The following GFOD2 variants were observed in gnomAD, a reference collection of about 807,000 sequenced individuals.
The protein encoded by GFOD2 is Gfo/Idh/MocA-like oxidoreductase domain containing 2, also known as glucose-fructose oxidoreductase domain-containing protein 2.
A neutral mutation model predicts 24.6 loss-of-function variants in GFOD2; 9 were observed. The ratio of observed to expected loss-of-function variants is 0.37; its 90% CI spans 0.22 to 0.64. GFOD2 has a LOEUF of 0.64. Ranked by LOEUF, GFOD2 falls within the 30% of genes least tolerant of loss-of-function variation. GFOD2 has a pLI of 0.65. For synonymous variants in GFOD2, 211 were observed against 224.8 expected (o/e 0.94, Z 0.55); for missense variants, 476 against 532.5 (o/e 0.89, Z 1.04).
In GFOD2 at chr16:67,685,265, T is replaced by G. The variant is rs904964245; in HGVS notation, c.259+192A>C. The G allele has an allele frequency of 1.8e-5, 26 of 1,433,984 alleles. No homozygotes were observed. In the African/African-American group the frequency reaches 3.7e-4, roughly 21 times the overall value. The allele number at this position is 1,433,984 out of a possible 1,614,324, so 88.8% of individuals were successfully genotyped here. On this transcript the variant is annotated intron_variant, in intron 2 of 2. Coordinates refer to ENST00000268797, the MANE Select transcript of GFOD2 (RefSeq NM_030819.4). ...TAATTTCTGTTCAGGGATTTACAGA[T>G]GGGAGGTAGGTTAGGCTATGTCTTT...
At chr16:67,706,427 C>T (rs879792714) in intron 1 of GFOD2, among the ~76,000 whole-genome samples, 2 of 152,174 alleles carry the variant, frequency 1.3e-5, no homozygotes, top group Non-Finnish European at 2.9e-5. Flanking sequence ...AACTGATTTT[C>T]AGCCAAAGCA....
intron 1 of GFOD2, among the ~76,000 whole-genome samples, chr16:67,704,757 G>A (rs1232638628): frequency 6.6e-6 from 1 of 152,230 alleles, no homozygotes; most frequent in Non-Finnish European, 1.5e-5. Context: ...AATGTTAGAT[G>A]ATGATGTCCT....
intron 1 of GFOD2, among the ~76,000 whole-genome samples, chr16:67,704,010 G>A (rs1019247484): frequency 6.6e-6 from 1 of 152,190 alleles, no homozygotes; most frequent in Non-Finnish European, 1.5e-5. Context: ...GTTGTAGCAT[G>A]TGTCAGATTT....
In GFOD2 at chr16:67,675,339, C is replaced by T. The variant is rs780708715; in HGVS notation, c.974G>A (p.Arg325His). ...GGAGACAGGGGTGCGGTCCCAGGTG[C>T]GGCGGTCGCCCTGCCCCTGGAAGGA... ...RQSFQGQGDR[R>H]TWDRTPVSMA... Residue 325 changes from arginine to histidine, a missense_variant, in exon 3 of 3, where the codon CGC (arginine) becomes CAC (histidine). Arg to His is a conservative substitution (Grantham distance 29, BLOSUM62 0). Transcript: ENST00000268797. 8.7e-6 allele frequency: 14 copies of T among 1,612,994 alleles called. No individual in the cohort carries two copies. Among genetic ancestry groups the T allele is most frequent in the South Asian group, 4.4e-5 (4 of 91,084 alleles).
At chr16:67,704,354 G>A (rs373939557) in intron 1 of GFOD2, among the ~76,000 whole-genome samples, 4 of 152,154 alleles carry the variant, frequency 2.6e-5, no homozygotes, top group South Asian at 2.1e-4. Context: ...TACGTGCCCC[G>A]TGCTTTACAG....
At chr16:67,711,005 C>T (rs2053469694) in intron 1 of GFOD2, among the ~76,000 whole-genome samples, 1 of 152,134 alleles carries the variant, frequency 6.6e-6, no homozygotes, top group Admixed American at 6.5e-5. Flanking sequence ...TCATTAAAAA[C>T]CCAATTTGTG....
Position 67,675,214 on chromosome 16 carries a change from T to C in GFOD2, c.1099A>G (p.Thr367Ala), listed in dbSNP as rs1465102427. The C allele has an allele frequency of 1.2e-6, 2 of 1,613,850 alleles. No homozygotes were observed. The highest frequency in any genetic ancestry group is 3.3e-5 in the Admixed American group (2 of 60,010). ...SGEWEAVEVLTEEPDTNQNLC... is the reference protein window; with the variant it reads ...SGEWEAVEVLAEEPDTNQNLC... Reference sequence around the variant, plus strand: ...TTCTGGTTGGTGTCGGGCTCCTCCGTCAGCACCTCCACAGCCTCCCACTCC... The same window carrying C: ...TTCTGGTTGGTGTCGGGCTCCTCCGCCAGCACCTCCACAGCCTCCCACTCC... The change falls in exon 3 of 3, where the codon ACG becomes GCG. Residue 367 changes from threonine (T) to alanine (A), a missense_variant. Thr to Ala is a moderately conservative substitution (Grantham distance 58). Transcript: ENST00000268797.
chr16:67,712,102 G>A (rs1049098732), intron 1 of GFOD2, among the ~76,000 whole-genome samples: 5 of 152,102 alleles, frequency 3.3e-5, no homozygotes, highest in Non-Finnish European at 7.4e-5. Flanking sequence ...AATATTTGCT[G>A]AAAGAATGAA....
chr16:67,692,070 G>A (rs1567657408), intron 1 of GFOD2, among the ~76,000 whole-genome samples: 1 of 151,924 alleles, frequency 6.6e-6, no homozygotes, highest in Non-Finnish European at 1.5e-5. Flanking sequence ...GCACTGATAA[G>A]GGATACAAAG....
Position 67,684,628 on chromosome 16 carries a change from G to A in GFOD2, c.259+829C>T, listed in dbSNP as rs778417917. 6.9e-5 allele frequency: 30 copies of A among 437,102 alleles called. No homozygotes were observed. The Middle Eastern group carries it at 4.6e-3, about 66-fold the overall frequency. The allele number at this position is 437,102 out of a possible 1,614,324, so 27.1% of individuals were successfully genotyped here. On this transcript the variant is annotated intron_variant, in intron 2 of 2. Coordinates refer to ENST00000268797, the MANE Select transcript of GFOD2 (RefSeq NM_030819.4). ...GGAGAATCACTTGAACCTGGGAGGC[G>A]AAGGTTGCAGTGAGCCGGGATTGCG...
At chr16:67,701,117 C>G (rs1292528599) in intron 1 of GFOD2, among the ~76,000 whole-genome samples, 1 of 151,520 alleles carries the variant, frequency 6.6e-6, no homozygotes, top group African/African-American at 2.4e-5. Flanking sequence ...AACCTGATAT[C>G]AAATACTGGC....
chr16:67,718,138 C>A (rs2053519781), intron 1 of GFOD2, among the ~76,000 whole-genome samples: 10 of 152,200 alleles, frequency 6.6e-5, no homozygotes, highest in Admixed American at 6.5e-4. Context: ...CTATATTGCT[C>A]CATATCACAA....
chr16:67,686,326 A>C (rs2053266122), intron 1 of GFOD2, among the ~76,000 whole-genome samples: 1 of 152,096 alleles, frequency 6.6e-6, no homozygotes, highest in African/African-American at 2.4e-5. Context: ...ACACTGCAGA[A>C]TCTTCTTCTT....
intron 1 of GFOD2, among the ~76,000 whole-genome samples, chr16:67,703,909 C>T (rs146839558): frequency 1.3e-5 from 2 of 152,298 alleles, no homozygotes; most frequent in Non-Finnish European, 2.9e-5. Flanking sequence ...TCTGACTGCC[C>T]TAGGTACCTC....
chr16:67,686,401 C>T (rs2053267040), intron 1 of GFOD2, among the ~76,000 whole-genome samples: 1 of 152,204 alleles, frequency 6.6e-6, no homozygotes, highest in African/African-American at 2.4e-5. Flanking sequence ...AATCTCTGTT[C>T]TGCTACTTAA....
At chr16:67,709,030 C>T (rs2053456102) in intron 1 of GFOD2, among the ~76,000 whole-genome samples, 1 of 152,092 alleles carries the variant, frequency 6.6e-6, no homozygotes, top group South Asian at 2.1e-4. Context: ...GGGCTGAGAG[C>T]AGTGGCTCAC....
chr16:67,687,172 AAAG>A (rs1382901372), intron 1 of GFOD2, among the ~76,000 whole-genome samples: 3 of 151,862 alleles, frequency 2.0e-5, no homozygotes, highest in East Asian at 1.9e-4. Context: ...AAGAAAAGAA[AAAG>A]AAGAATGGAA....
At chr16:67,713,503 G>C (rs542692718) in intron 1 of GFOD2, among the ~76,000 whole-genome samples, 1 of 152,174 alleles carries the variant, frequency 6.6e-6, no homozygotes, top group Non-Finnish European at 1.5e-5. Flanking sequence ...GCCCCAGGTT[G>C]TTTCAACTGT....
At chr16:67,683,959 AT>A in intron 2 of GFOD2, 1 of 989,236 alleles carries the variant, frequency 1.0e-6, no homozygotes, top group Non-Finnish European at 1.2e-6. Flanking sequence ...AATGTGTGTT[AT>A]TTCTAGTTGC....
Sources: allele counts gnomAD v4.1 joint callset (sites outside exome capture counted in the v4.1 genomes callset), GRCh38; gene constraint gnomAD v4.1.1; transcripts MANE v1.5; gene names NCBI Gene and HGNC (gene_info 2026-07-23, HGNC 2026-07-21).